ZNF423: variants seen among roughly 807,000 people sequenced by gnomAD.
ZNF423 encodes zinc finger protein 423.
Under a neutral mutation model 95.8 loss-of-function variants are expected in ZNF423, and 12 were observed. The observed-to-expected ratio is 0.13, with a 90% confidence interval of 0.08 to 0.20. The LOEUF (loss-of-function observed/expected upper bound fraction) is 0.20, where lower values mean the gene tolerates loss of function less well. Among genes scored for constraint, ZNF423 ranks in the 10% least tolerant of loss-of-function variants. ZNF423 has a pLI of 1.00. For missense variants in ZNF423, 1,316 were observed against 1,737.1 expected, an observed-to-expected ratio of 0.76 and a Z score of 4.31; for synonymous variants, 749 against 711.9, an observed-to-expected ratio of 1.05 and a Z score of -0.83.
intron 4 of ZNF423, among the ~76,000 whole-genome samples, chr16:49,627,113 T>C: frequency 7.2e-6 from 1 of 139,374 alleles, no homozygotes; most frequent in Non-Finnish European, 1.5e-5. Context: ...CCATCCTCCA[T>C]CTACCCATCC....
intron 3 of ZNF423, among the ~76,000 whole-genome samples, chr16:49,690,829 C>A (rs1172115800): frequency 6.6e-6 from 1 of 152,136 alleles, no homozygotes; most frequent in African/African-American, 2.4e-5. Flanking sequence ...GGGATGGAGA[C>A]CTGGAAACAA....
Position 49,685,648 on chromosome 16 carries a change from C to T in ZNF423, c.301+45123G>A, listed in dbSNP as rs144943636. ...TTAATCCATTTCCACACCTTGTCAA[C>T]GTGGTCCCTAGGACGGCTCTCGCAC... On this transcript the variant is annotated intron_variant, in intron 3 of 7. Coordinates refer to ENST00000563137, the MANE Select transcript of ZNF423 (RefSeq NM_001379286.1). 1.9e-3 allele frequency among the ~76,000 whole-genome samples: 285 copies of T among 152,292 alleles called. 2 individuals carry two copies. The highest frequency in any genetic ancestry group is 3.1e-3 in the Non-Finnish European group (212 of 68,018).
At chr16:49,739,367 G>C (rs1265138997) in intron 2 of ZNF423, among the ~76,000 whole-genome samples, 2 of 152,160 alleles carry the variant, frequency 1.3e-5, no homozygotes, top group Non-Finnish European at 2.9e-5. Flanking sequence ...ATGCTCCTGA[G>C]GATGCAGGAG....
At chr16:49,625,300 CAA>C (rs1275335288) in intron 5 of ZNF423, among the ~76,000 whole-genome samples, 1 of 152,194 alleles carries the variant, frequency 6.6e-6, no homozygotes, top group African/African-American at 2.4e-5. Context: ...TTGCAGTGAG[CAA>C]AGATTGCACC....
At chr16:49,791,842 A>T (rs1226859816) in intron 1 of ZNF423, among the ~76,000 whole-genome samples, 1 of 151,848 alleles carries the variant, frequency 6.6e-6, no homozygotes, top group Non-Finnish European at 1.5e-5. Flanking sequence ...TCTCTACTAA[A>T]AATACAAAAC....
At chr16:49,760,488 G>A (rs148657015) in intron 2 of ZNF423, among the ~76,000 whole-genome samples, 1 of 152,240 alleles carries the variant, frequency 6.6e-6, no homozygotes, top group African/African-American at 2.4e-5. Context: ...GTCAGGGTTC[G>A]GCACACAGTA....
chr16:49,815,900 ATATATATATATATATTTTTTT>A (rs1567356374), intron 1 of ZNF423, among the ~76,000 whole-genome samples: 8 of 46,028 alleles, frequency 1.7e-4, no homozygotes, highest in African/African-American at 7.2e-4. Flanking sequence ...ATATATATAT[ATATATATATATATATTTTTTT>A]TTTTTTTTTT....
At position 49,855,280 on chromosome 16, in the gene ZNF423, G is replaced by T. The variant is rs1297158274; in HGVS notation, c.40+455C>A. On this transcript the variant is annotated intron_variant, in intron 1 of 7. Transcript: ENST00000563137. The surrounding 1 kb of genome is among the most constrained non-coding windows in gnomAD (Gnocchi z 4.7). ...GGCCCGGGGCCAGCGAGGAGCGGTC[G>T]GCCTGCCGGGCGCCCGTCCTCGCCG... is the stretch of plus-strand genomic sequence containing the variant. Among the ~76,000 whole-genome samples, 1 of 151,210 alleles carries T rather than the reference G, an allele frequency of 6.6e-6. No homozygotes were observed. The highest frequency in any genetic ancestry group is 1.5e-5 in the Non-Finnish European group (1 of 67,676).
At chr16:49,566,949 T>C (rs1336330641) in intron 5 of ZNF423, among the ~76,000 whole-genome samples, 1 of 152,110 alleles carries the variant, frequency 6.6e-6, no homozygotes, top group Admixed American at 6.5e-5. Context: ...ATGAGAGCCA[T>C]GTGTTCCTAA....
chr16:49,582,989 C>T (rs949247643), intron 5 of ZNF423, among the ~76,000 whole-genome samples: 1 of 152,182 alleles, frequency 6.6e-6, no homozygotes, highest in Non-Finnish European at 1.5e-5. Context: ...GTATGGAACC[C>T]CTCTGAAGAT....
intron 3 of ZNF423, among the ~76,000 whole-genome samples, chr16:49,647,644 G>C (rs2151899519): frequency 6.6e-6 from 1 of 152,312 alleles, no homozygotes; most frequent in South Asian, 2.1e-4. Flanking sequence ...CATATGCCAA[G>C]AAATGTGAGC....
chr16:49,583,736 G>A (rs1291541449), intron 5 of ZNF423, among the ~76,000 whole-genome samples: 1 of 152,206 alleles, frequency 6.6e-6, no homozygotes, highest in African/African-American at 2.4e-5. Flanking sequence ...GTGTGACATA[G>A]TGCTAATGAA....
At chr16:49,702,582 C>T (rs1449884172) in intron 3 of ZNF423, among the ~76,000 whole-genome samples, 1 of 152,176 alleles carries the variant, frequency 6.6e-6, no homozygotes, top group East Asian at 1.9e-4. Context: ...ACCTCCACCC[C>T]CAGCCCTCAA....
At chr16:49,816,575 C>G (rs2034858965) in intron 1 of ZNF423, among the ~76,000 whole-genome samples, 1 of 152,050 alleles carries the variant, frequency 6.6e-6, no homozygotes, top group African/African-American at 2.4e-5. Context: ...ATTGCCTGAG[C>G]CCAGGAGTTG....
At chr16:49,525,157 G>C (rs1372818209) in intron 6 of ZNF423, among the ~76,000 whole-genome samples, 1 of 152,182 alleles carries the variant, frequency 6.6e-6, no homozygotes, top group African/African-American at 2.4e-5. Flanking sequence ...AGGCCAGAGA[G>C]CACTGAAGGA....
intron 3 of ZNF423, among the ~76,000 whole-genome samples, chr16:49,647,888 C>T (rs1224009289): frequency 1.3e-5 from 2 of 152,126 alleles, no homozygotes; most frequent in Non-Finnish European, 2.9e-5. Context: ...GAGTGGGGTG[C>T]TATGAGAACA....
chr16:49,809,855 A>G (rs1363833877), intron 1 of ZNF423, among the ~76,000 whole-genome samples: 1 of 152,102 alleles, frequency 6.6e-6, no homozygotes, highest in African/African-American at 2.4e-5. Flanking sequence ...AGCTCTTAGC[A>G]GGACACCAGG....
At chr16:49,819,718 G>GA (rs2144015628) in intron 1 of ZNF423, among the ~76,000 whole-genome samples, 1 of 152,264 alleles carries the variant, frequency 6.6e-6, no homozygotes, top group African/African-American at 2.4e-5. Context: ...CAAAGTGCTA[G>GA]ATTACAGGAA....
intron 5 of ZNF423, among the ~76,000 whole-genome samples, chr16:49,619,050 A>C (rs145018374): frequency 3.9e-5 from 6 of 152,078 alleles, no homozygotes; most frequent in African/African-American, 7.2e-5. Flanking sequence ...TCTTTTCTCT[A>C]TAATTGGCTT....
Sources: allele counts gnomAD v4.1 joint callset (sites outside exome capture counted in the v4.1 genomes callset), GRCh38; gene constraint gnomAD v4.1.1; non-coding constraint Gnocchi (gnomAD v3.1); transcripts MANE v1.5; gene names NCBI Gene and HGNC (gene_info 2026-07-23, HGNC 2026-07-21).